Variants in HYAL1 observed in about 807,000 individuals in gnomAD.
HYAL1 encodes hyaluronidase 1.
In HYAL1, 21 loss-of-function variants were observed where a neutral mutation model predicts 28.8. The observed-to-expected ratio is 0.73, with a 90% CI of 0.52 to 1.05. HYAL1 has a LOEUF of 1.05. Ranked by LOEUF, HYAL1 falls within the 50% of genes least tolerant of loss-of-function variation. HYAL1 has a pLI of 0.00. For missense variants in HYAL1, 491 were observed against 579.2 expected (o/e 0.85, Z 1.56); for synonymous variants, 200 against 230.1 (o/e 0.87, Z 1.18).
intron 1 of HYAL1, among the ~76,000 whole-genome samples, chr3:50,310,470 G>A (rs1702422929): frequency 6.6e-6 from 1 of 150,546 alleles, no homozygotes; most frequent in African/African-American, 2.5e-5. Flanking sequence ...GTTTCACCGT[G>A]TTAGCCAGAA....
chr3:50,311,827 C>T (rs1232052377), intron 1 of HYAL1, among the ~76,000 whole-genome samples: 5 of 145,640 alleles, frequency 3.4e-5, no homozygotes, highest in Non-Finnish European at 7.5e-5. Flanking sequence ...CCGGATGGGG[C>T]GGCTGGCCAG....
At chr3:50,311,341 C>T (rs1313211780) in intron 1 of HYAL1, among the ~76,000 whole-genome samples, 21 of 128,728 alleles carry the variant, frequency 1.6e-4, no homozygotes, top group East Asian at 4.9e-4. Context: ...CCCTCCCGGA[C>T]GGGGCGGCTG....
At chr3:50,311,446 AC>A (rs587619272) in intron 1 of HYAL1, among the ~76,000 whole-genome samples, 28 of 42,614 alleles carry the variant, frequency 6.6e-4, no homozygotes, top group Admixed American at 4.5e-3. Flanking sequence ...CGGGGGGCTG[AC>A]CCCCCCCCAC....
At chr3:50,311,919 G>T (rs1308618259) in intron 1 of HYAL1, among the ~76,000 whole-genome samples, 3 of 146,142 alleles carry the variant, frequency 2.1e-5, no homozygotes, top group South Asian at 2.1e-4. Flanking sequence ...CCTCACGGAT[G>T]GGGTGGCTGG....
chr3:50,304,291 AAAAAAATATATATATATATATATATATAT>A (rs1164599643), upstream of HYAL1, among the ~76,000 whole-genome samples: 2,097 of 60,094 alleles, frequency 0.035, 357 homozygotes, highest in East Asian at 0.46. Context: ...AAAAAAAAAA[AAAAAAATATATATATATATATATATATAT>A]ATATATATAT....
chr3:50,311,602 C>T (rs868980410), intron 1 of HYAL1, among the ~76,000 whole-genome samples: 288 of 135,832 alleles, frequency 2.1e-3, no homozygotes, highest in African/African-American at 7.9e-3. Context: ...CCGGACGGGG[C>T]GGCTGGCCGG....
Position 50,300,927 on chromosome 3 carries a change from C to A in HYAL1, c.990+61G>T, listed in dbSNP as rs782030729. 20 of 1,491,050 alleles carry A rather than the reference C, an allele frequency of 1.3e-5. No homozygotes were observed. In the South Asian group the frequency reaches 2.3e-4, roughly 17 times the overall value. The allele number at this position is 1,491,050 out of a possible 1,614,324, so 92.4% of individuals were successfully genotyped here. On this transcript the variant is annotated intron_variant, in intron 3 of 3. Coordinates refer to ENST00000395144, the MANE Select transcript of HYAL1 (RefSeq NM_033159.4). ...TAGAAAGGGTAAGTCAGGGTCTACC[C>A]CGTCAGCTTAATGGCCCCACCCCTC...
intron 1 of HYAL1, among the ~76,000 whole-genome samples, chr3:50,311,473 G>C (rs587737264): frequency 7.5e-6 from 1 of 132,822 alleles, no homozygotes; most frequent in East Asian, 2.7e-4. Flanking sequence ...TCCCGGACGG[G>C]GCGGCTGGCC....
At chr3:50,311,363 G>A (rs1702447714) in intron 1 of HYAL1, among the ~76,000 whole-genome samples, 1 of 142,848 alleles carries the variant, frequency 7.0e-6, no homozygotes, top group Non-Finnish European at 1.5e-5. Context: ...CCGGGCAGAG[G>A]GGCTCCTCAC....
upstream of HYAL1, among the ~76,000 whole-genome samples, chr3:50,308,150 A>G (rs1553714261): frequency 6.7e-6 from 1 of 149,026 alleles, no homozygotes; most frequent in African/African-American, 2.5e-5. Flanking sequence ...TCTTCAGGGT[A>G]GAGTCTTGCT....
intron 2 of HYAL1, among the ~76,000 whole-genome samples, chr3:50,301,464 AAATT>A (rs139681757): frequency 0.034 from 5,229 of 152,080 alleles, 305 homozygotes; most frequent in African/African-American, 0.12. Context: ...AAAAATACAA[AAATT>A]AGCCAGACAT....
In HYAL1 at chr3:50,311,677, C is replaced by A. The variant is rs587764585; in HGVS notation, c.-310+587G>T. On this transcript the variant is annotated intron_variant, in intron 1 of 5. Transcript: ENST00000320295. ...GGCTGGCCGGGCGGGGGGCTGACCC[C>A]CCAACCTCCCTCCCGGACGGGGCGG... 2.8e-5 allele frequency among the ~76,000 whole-genome samples: 4 copies of A among 144,546 alleles called. No individual in the cohort carries two copies. In the South Asian group the frequency reaches 6.4e-4, roughly 23 times the overall value. 94.8% of individuals were successfully genotyped at this position (144,546 alleles called of 152,430 possible).
chr3:50,309,461 CAAAA>C (rs59958240), intron 2 of HYAL1, among the ~76,000 whole-genome samples: 14 of 60,898 alleles, frequency 2.3e-4, no homozygotes, highest in Admixed American at 4.4e-4. Context: ...CAGACTCCAC[CAAAA>C]AAAAAAAAAA....
At chr3:50,309,594 A>C (rs1702406840) in intron 2 of HYAL1, 2 of 151,454 alleles carry the variant, frequency 1.3e-5, no homozygotes, top group Admixed American at 1.3e-4. Flanking sequence ...TTATGGAGCC[A>C]ATAAAGCCCT....
At chr3:50,305,832 C>T (rs1702326312), upstream of HYAL1, among the ~76,000 whole-genome samples, 1 of 151,482 alleles carries the variant, frequency 6.6e-6, no homozygotes, top group Admixed American at 6.6e-5. Context: ...CCACGCTTGG[C>T]TAAGGTACTT....
In HYAL1 at chr3:50,308,724, C is replaced by T. The variant is rs587688878; in HGVS notation, c.-191+935G>A. ...TGCTGGGATTACAGGCATGAGCCAC[C>T]GTGCCTGGCCTTTTTTTTTTTTTTT... On this transcript the variant is annotated intron_variant, in intron 2 of 5. Coordinates refer to the HYAL1 transcript ENST00000320295. Among the ~76,000 whole-genome samples, 448 of 139,580 alleles carry T rather than the reference C, an allele frequency of 3.2e-3. 12 individuals carry two copies. The highest frequency in any genetic ancestry group is 0.012 in the African/African-American group (418 of 35,900). The allele number at this position is 139,580 out of a possible 152,430, so 91.6% of individuals were successfully genotyped here. A position where few individuals can be genotyped will look rare whatever the true frequency, so the allele number is the denominator to read the frequency against.
intron 3 of HYAL1, 49 bp downstream of exon 3, chr3:50,300,939 T>G: frequency 1.0e-6 from 1 of 959,408 alleles, no homozygotes; most frequent in South Asian, 1.3e-5. Flanking sequence ...GTCAGCTTAA[T>G]GGCCCCACCC....
chr3:50,306,801 G>T, upstream of HYAL1, among the ~76,000 whole-genome samples: 1 of 150,168 alleles, frequency 6.7e-6, no homozygotes. Flanking sequence ...CAGGAGAATT[G>T]CTTCAACCTG....
upstream of HYAL1, among the ~76,000 whole-genome samples, chr3:50,306,744 G>T (rs782114769): frequency 6.6e-6 from 1 of 150,800 alleles, no homozygotes; most frequent in Non-Finnish European, 1.5e-5. Context: ...AAATTAGCCC[G>T]GCATGGTGGT....
Sources: gnomAD v4.1 joint callset for allele counts (sites outside exome capture counted in the v4.1 genomes callset) on GRCh38, gnomAD v4.1.1 for gene constraint, MANE v1.5 for transcripts, NCBI Gene and HGNC (gene_info 2026-07-23, HGNC 2026-07-21) for gene names.